CYTH3: variants seen among roughly 807,000 people sequenced by gnomAD.
The protein encoded by CYTH3 is cytohesin 3, also known as cytohesin-3.
A neutral mutation model predicts 55.1 loss-of-function variants in CYTH3; 23 were observed. The observed-to-expected ratio is 0.42, with a 90% CI of 0.30 to 0.59. The LOEUF (loss-of-function observed/expected upper bound fraction) is 0.59, where lower values mean the gene tolerates loss of function less well. Among genes scored for constraint, CYTH3 ranks in the 20% least tolerant of loss-of-function variants. The probability of loss-of-function intolerance (pLI) is 0.20; values close to 1 mark genes in which losing one functional copy is unlikely to be tolerated. For missense variants in CYTH3, 413 were observed against 524.8 expected (o/e 0.79, Z 2.08); for synonymous variants, 249 against 194.9 (o/e 1.28, Z -2.31).
chr7:6,196,886 A>G (rs1783948096), intron 1 of CYTH3, among the ~76,000 whole-genome samples: 1 of 152,196 alleles, frequency 6.6e-6, no homozygotes, highest in Non-Finnish European at 1.5e-5. Flanking sequence ...TTACGAAAAG[A>G]ATTTTCTTCT....
intron 1 of CYTH3, among the ~76,000 whole-genome samples, chr7:6,215,967 G>A (rs538690171): frequency 1.3e-5 from 2 of 152,284 alleles, no homozygotes; most frequent in East Asian, 1.9e-4. Flanking sequence ...GGGAATGAAA[G>A]GGAAATTGAG....
chr7:6,173,580 C>T (rs922765454), intron 6 of CYTH3, 73 bp downstream of exon 6: 16 of 957,968 alleles, frequency 1.7e-5, no homozygotes, highest in Middle Eastern at 2.8e-4. Context: ...GTCAATTCAC[C>T]GCCACTGCTG....
chr7:6,205,730 A>G (rs1478560705), intron 1 of CYTH3, among the ~76,000 whole-genome samples: 1 of 152,076 alleles, frequency 6.6e-6, no homozygotes, highest in Non-Finnish European at 1.5e-5. Context: ...AAAACACATT[A>G]GCCAGGTGTG....
At chr7:6,213,852 T>A (rs1424739758) in intron 1 of CYTH3, among the ~76,000 whole-genome samples, 1 of 152,098 alleles carries the variant, frequency 6.6e-6, no homozygotes, top group Admixed American at 6.6e-5. Flanking sequence ...TCTGTCTGGA[T>A]GTTCTCTCTG....
At chr7:6,252,504 T>C (rs563877841) in intron 1 of CYTH3, among the ~76,000 whole-genome samples, 21 of 152,304 alleles carry the variant, frequency 1.4e-4, no homozygotes, top group Non-Finnish European at 2.6e-4. Context: ...CGAGACCCTG[T>C]TGCTATTTCT....
At position 6,272,500 on chromosome 7, in the gene CYTH3, T is replaced by C; in HGVS notation, c.8A>G (p.Glu3Gly). MD[E>G]DGGGEGGGVP... is the part of the protein sequence containing the mutation. ...GCCACCACCCTCGCCGCCGCCGTCT[T>C]CATCCATCTTGAGGCCACTCCCGCA... Residue 3 changes from glutamate to glycine, a missense_variant, in exon 1 of 13, where the codon GAA becomes GGA. Glu to Gly is a moderately conservative substitution (Grantham distance 98). Transcript: ENST00000350796. 3 of 1,330,622 alleles carry C rather than the reference T, an allele frequency of 2.3e-6. No individual in the cohort carries two copies. The highest frequency in any genetic ancestry group is 9.7e-7 in the Non-Finnish European group (1 of 1,028,606). 82.4% of individuals were successfully genotyped at this position (1,330,622 alleles called of 1,614,324 possible). A position where few individuals can be genotyped will look rare whatever the true frequency, so the allele number is the denominator to read the frequency against.
chr7:6,162,724 C>T lies in CYTH3; in HGVS notation c.*2220G>A, dbSNP rs1782872477. ...CAGGTGCCCACCACCTGGCGAAGCT[C>T]ATTCACAGATGACAGCAAAGGGGGA... is the stretch of plus-strand genomic sequence containing the variant. On this transcript the variant is annotated 3_prime_UTR_variant, in exon 13 of 13. Transcript: ENST00000350796. 1 of 152,310 alleles carries T rather than the reference C, an allele frequency of 6.6e-6. No homozygotes were observed. Among genetic ancestry groups the T allele is most frequent in the Admixed American group, 6.5e-5 (1 of 15,292 alleles). The allele number at this position is 152,310 out of a possible 1,614,324, so 9.4% of individuals were successfully genotyped here.
intron 1 of CYTH3, among the ~76,000 whole-genome samples, chr7:6,257,947 A>C (rs1351516310): frequency 6.6e-6 from 1 of 151,994 alleles, no homozygotes; most frequent in Non-Finnish European, 1.5e-5. Context: ...GGACAGGCTT[A>C]ATTAAGAGCC....
chr7:6,228,149 G>A (rs1332914433), intron 1 of CYTH3, among the ~76,000 whole-genome samples: 1 of 152,174 alleles, frequency 6.6e-6, no homozygotes, highest in Non-Finnish European at 1.5e-5. Context: ...TTATTTCCTT[G>A]ATTCTCTATT....
At chr7:6,223,157 C>A (rs548012860) in intron 1 of CYTH3, among the ~76,000 whole-genome samples, 9 of 151,994 alleles carry the variant, frequency 5.9e-5, no homozygotes, top group African/African-American at 2.2e-4. Context: ...CCGGCCGCCC[C>A]GTCTGGGAGG....
At chr7:6,172,859 CACA>C (rs976626256) in intron 6 of CYTH3, 11 of 1,271,652 alleles carry the variant, frequency 8.7e-6, no homozygotes, top group South Asian at 2.5e-5. Flanking sequence ...GCGCTGTGAG[CACA>C]ACATCACGAG....
intron 1 of CYTH3, among the ~76,000 whole-genome samples, chr7:6,195,213 C>T (rs1783896019): frequency 6.6e-6 from 1 of 151,992 alleles, no homozygotes; most frequent in Admixed American, 6.6e-5. Flanking sequence ...TAAATGTTTT[C>T]ATTACGATAT....
At chr7:6,228,027 TAAAAAG>T (rs1779297439) in intron 1 of CYTH3, among the ~76,000 whole-genome samples, 1 of 152,240 alleles carries the variant, frequency 6.6e-6, no homozygotes, top group Non-Finnish European at 1.5e-5. Flanking sequence ...TTCTCCTATT[TAAAAAG>T]TATTTAATAA....
intron 1 of CYTH3, among the ~76,000 whole-genome samples, chr7:6,218,513 T>C (rs1784473737): frequency 6.6e-6 from 1 of 152,210 alleles, no homozygotes; most frequent in Admixed American, 6.5e-5. Context: ...ATGTGTGCTA[T>C]TTTAAGGCAC....
chr7:6,181,510 G>A (rs777951375), intron 4 of CYTH3, among the ~76,000 whole-genome samples: 2 of 152,098 alleles, frequency 1.3e-5, no homozygotes, highest in Non-Finnish European at 2.9e-5. Context: ...TTCTTCTTAG[G>A]TAATCTGATC....
chr7:6,231,154 A>G (rs992756711), intron 1 of CYTH3, among the ~76,000 whole-genome samples: 1 of 152,252 alleles, frequency 6.6e-6, no homozygotes, highest in Non-Finnish European at 1.5e-5. Flanking sequence ...CGGATGATGC[A>G]TGAGTGGGGA....
Position 6,162,020 on chromosome 7 carries a change from A to G in CYTH3, c.*2924T>C, listed in dbSNP as rs770604702. ...AAATATTTTCTAAGAAAAAAAGTCAATTTGTGGTTTCTGGTCTACCACAGA... is the reference window on the plus strand; with the variant it reads ...AAATATTTTCTAAGAAAAAAAGTCAGTTTGTGGTTTCTGGTCTACCACAGA... On this transcript the variant is annotated 3_prime_UTR_variant, in exon 13 of 13. Coordinates refer to ENST00000350796, the MANE Select transcript of CYTH3 (RefSeq NM_004227.4). 76 of 152,754 alleles carry G rather than the reference A, an allele frequency of 5.0e-4. No individual in the cohort carries two copies. The highest frequency in any genetic ancestry group is 1.6e-3 in the African/African-American group (67 of 41,578). The allele number at this position is 152,754 out of a possible 1,614,324, so 9.5% of individuals were successfully genotyped here.
rs548956021 is a variant in CYTH3, at chr7:6,225,997, T to A, written c.35-35466A>T. 1.6e-4 allele frequency among the ~76,000 whole-genome samples: 25 copies of A among 152,272 alleles called. No homozygotes were observed. The East Asian group carries it at 2.5e-3, about 15-fold the overall frequency. On this transcript the variant is annotated intron_variant, in intron 1 of 12. Transcript: ENST00000350796. ...CACCACACACAGCCTGAAATTTTTT[T>A]AAAAACAAACAAAAAAATTTTTGTC...
intron 3 of CYTH3, among the ~76,000 whole-genome samples, 157 bp downstream of exon 3, chr7:6,187,499 AC>A (rs990297235): frequency 4.6e-5 from 7 of 151,790 alleles, no homozygotes; most frequent in African/African-American, 1.7e-4. Flanking sequence ...ACACCCCTGG[AC>A]CCCTCCACGC....
Sources: allele counts gnomAD v4.1 joint callset (sites outside exome capture counted in the v4.1 genomes callset), GRCh38; gene constraint gnomAD v4.1.1; transcripts MANE v1.5; gene names NCBI Gene and HGNC (gene_info 2026-07-23, HGNC 2026-07-21).